The following NKAIN3 variants were observed in gnomAD, a reference collection of about 807,000 sequenced individuals.
NKAIN3 encodes sodium/potassium-transporting ATPase subunit beta-1-interacting protein 3.
Under a neutral mutation model 30.2 loss-of-function variants are expected in NKAIN3, and 25 were observed. The observed-to-expected ratio is 0.83, with a 90% CI of 0.60 to 1.16. The LOEUF (loss-of-function observed/expected upper bound fraction) is 1.16, where lower values mean the gene tolerates loss of function less well. Among genes scored for constraint, NKAIN3 ranks in the 50% most tolerant of loss-of-function variants. The probability of loss-of-function intolerance (pLI) is 0.00; values close to 1 mark genes in which losing one functional copy is unlikely to be tolerated. For synonymous variants in NKAIN3, 91 were observed against 89.6 expected (o/e 1.02, Z -0.09); for missense variants, 225 against 254.1 (o/e 0.89, Z 0.78).
At position 62,990,345 on chromosome 8, in the gene NKAIN3, A is replaced by G. The variant is rs989430230; in HGVS notation, c.533-8886A>G. The G allele has an allele frequency of 2.3e-6, 3 of 1,327,644 alleles. No homozygotes were observed. The African/African-American group carries it at 4.5e-5, about 20-fold the overall frequency. 82.2% of individuals were successfully genotyped at this position (1,327,644 alleles called of 1,614,324 possible). A position where few individuals can be genotyped will look rare whatever the true frequency, so the allele number is the denominator to read the frequency against. ...TGTCATTCTAAACCCCAGATTCAAC[A>G]TCTTCCTAATCTTTCTAGTGCAGTC... On this transcript the variant is annotated intron_variant, in intron 5 of 5. Transcript: ENST00000519049.
At chr8:62,812,204 C>G (rs1818509172) in intron 4 of NKAIN3, among the ~76,000 whole-genome samples, 1 of 151,900 alleles carries the variant, frequency 6.6e-6, no homozygotes, top group African/African-American at 2.4e-5. Flanking sequence ...AAGTATCAAT[C>G]TCTTCATCAG....
At chr8:62,712,486 T>G (rs916625339) in intron 3 of NKAIN3, among the ~76,000 whole-genome samples, 1 of 152,070 alleles carries the variant, frequency 6.6e-6, no homozygotes. Context: ...TGGCTGCCTC[T>G]GCTGAGTCAT....
chr8:62,494,746 A>G (rs1356321532), intron 1 of NKAIN3, among the ~76,000 whole-genome samples: 1 of 151,996 alleles, frequency 6.6e-6, no homozygotes, highest in Non-Finnish European at 1.5e-5. Flanking sequence ...GGAGGGTGTT[A>G]TGTGTCCAGG....
At chr8:62,869,992 G>T (rs186690482) in intron 4 of NKAIN3, among the ~76,000 whole-genome samples, 1 of 151,264 alleles carries the variant, frequency 6.6e-6, no homozygotes, top group Non-Finnish European at 1.5e-5. Flanking sequence ...AGATGGTCTC[G>T]ATCTCCTGAC....
chr8:62,437,568 T>C (rs1000368137), intron 1 of NKAIN3, among the ~76,000 whole-genome samples: 1 of 152,146 alleles, frequency 6.6e-6, no homozygotes, highest in South Asian at 2.1e-4. Context: ...TGTCTTGCCA[T>C]GCAAGGAAAG....
At chr8:62,545,994 AC>A (rs1282421926) in intron 1 of NKAIN3, among the ~76,000 whole-genome samples, 1 of 152,226 alleles carries the variant, frequency 6.6e-6, no homozygotes, top group African/African-American at 2.4e-5. Context: ...TCTGAGAAGT[AC>A]AAAAATACTG....
chr8:62,862,512 C>A (rs1820282088), intron 4 of NKAIN3, among the ~76,000 whole-genome samples: 1 of 151,998 alleles, frequency 6.6e-6, no homozygotes, highest in Non-Finnish European at 1.5e-5. Flanking sequence ...TAATTCAAAA[C>A]ATTTTCAGGG....
At chr8:62,896,827 ACAAAATG>A in intron 4 of NKAIN3, among the ~76,000 whole-genome samples, 1 of 152,200 alleles carries the variant, frequency 6.6e-6, no homozygotes, top group South Asian at 2.1e-4. Context: ...ATTAGATTTG[ACAAAATG>A]TAGGCTATTT....
intron 1 of NKAIN3, among the ~76,000 whole-genome samples, chr8:62,331,135 C>G (rs527545216): frequency 6.7e-6 from 1 of 150,294 alleles, no homozygotes; most frequent in South Asian, 2.1e-4. Context: ...CCCTTCCTCC[C>G]TCCTCTTCCA....
chr8:62,648,225 G>A (rs1311105413), intron 3 of NKAIN3, among the ~76,000 whole-genome samples: 1 of 150,278 alleles, frequency 6.7e-6, no homozygotes, highest in Non-Finnish European at 1.5e-5. Context: ...GTAGATCCGT[G>A]GATCTGGAGC....
At chr8:62,902,211 C>T (rs2130838772) in intron 4 of NKAIN3, among the ~76,000 whole-genome samples, 1 of 152,146 alleles carries the variant, frequency 6.6e-6, no homozygotes, top group East Asian at 1.9e-4. Flanking sequence ...AAATATGCTT[C>T]CTGAAATACT....
In NKAIN3 at chr8:62,894,768, C is replaced by T. The variant is rs537863926; in HGVS notation, c.472-23685C>T. On this transcript the variant is annotated intron_variant, in intron 4 of 6. Transcript: ENST00000623646. ...TCGAAGAGGTCTGGAGGCAGGCACACCAAGCTAGTAAATATCAGAGACTCA... is the reference window on the plus strand; with the variant it reads ...TCGAAGAGGTCTGGAGGCAGGCACATCAAGCTAGTAAATATCAGAGACTCA... Among the ~76,000 whole-genome samples, 4 of 152,256 alleles carry T rather than the reference C, an allele frequency of 2.6e-5. No homozygotes were observed. In the South Asian group the frequency reaches 8.3e-4, roughly 32 times the overall value.
At chr8:62,820,012 T>TAG (rs1210987902) in intron 4 of NKAIN3, among the ~76,000 whole-genome samples, 1 of 152,086 alleles carries the variant, frequency 6.6e-6, no homozygotes, top group African/African-American at 2.4e-5. Flanking sequence ...AGGAAAATGT[T>TAG]GAAATATTGA....
intron 4 of NKAIN3, among the ~76,000 whole-genome samples, chr8:62,845,008 A>G (rs904405913): frequency 3.3e-5 from 5 of 151,950 alleles, no homozygotes; most frequent in Non-Finnish European, 7.4e-5. Flanking sequence ...TAGATGAAAT[A>G]ATGCCCGTTT....
At chr8:62,878,981 T>C (rs998236466) in intron 4 of NKAIN3, among the ~76,000 whole-genome samples, 1 of 152,218 alleles carries the variant, frequency 6.6e-6, no homozygotes, top group Non-Finnish European at 1.5e-5. Flanking sequence ...TACGTGTGCA[T>C]GTGTCTTTAT....
intron 4 of NKAIN3, among the ~76,000 whole-genome samples, chr8:62,803,148 C>A (rs1387904809): frequency 7.9e-5 from 12 of 152,108 alleles, no homozygotes; most frequent in Admixed American, 7.9e-4. Flanking sequence ...GACTTAGACT[C>A]CCACACAATA....
intron 1 of NKAIN3, among the ~76,000 whole-genome samples, chr8:62,569,909 G>A (rs1809880515): frequency 6.6e-6 from 1 of 152,160 alleles, no homozygotes; most frequent in Admixed American, 6.5e-5. Context: ...TCATGATTAT[G>A]AAATATTTAT....
At chr8:62,342,089 T>A (rs1815764345) in intron 1 of NKAIN3, among the ~76,000 whole-genome samples, 1 of 151,978 alleles carries the variant, frequency 6.6e-6, no homozygotes. Flanking sequence ...TGGAAAGGCA[T>A]TAATATCTCT....
intron 3 of NKAIN3, among the ~76,000 whole-genome samples, chr8:62,659,498 T>G (rs1187172718): frequency 6.6e-6 from 1 of 152,254 alleles, no homozygotes; most frequent in African/African-American, 2.4e-5. Context: ...ACTATGCCAT[T>G]AATGTGACAT....
Sources: gnomAD v4.1 joint callset for allele counts (sites outside exome capture counted in the v4.1 genomes callset) on GRCh38, gnomAD v4.1.1 for gene constraint, MANE v1.5 for transcripts, NCBI Gene and HGNC (gene_info 2026-07-23, HGNC 2026-07-21) for gene names.